POLD1: variants seen among roughly 807,000 people sequenced by gnomAD.
The protein encoded by POLD1 is DNA polymerase delta 1, catalytic subunit, also known as DNA polymerase delta catalytic subunit.
Under a neutral mutation model 129.7 loss-of-function variants are expected in POLD1, and 79 were observed. The ratio of observed to expected loss-of-function variants is 0.61; its 90% CI spans 0.51 to 0.73. The LOEUF (loss-of-function observed/expected upper bound fraction) is 0.73. Among genes scored for constraint, POLD1 ranks in the 30% least tolerant of loss-of-function variants. The probability of loss-of-function intolerance (pLI) is 0.00; values close to 1 mark genes in which losing one functional copy is unlikely to be tolerated. For synonymous variants in POLD1, 714 were observed against 683.3 expected, an observed-to-expected ratio of 1.04 and a Z score of -0.70; for missense variants, 1,338 against 1,595.8, an observed-to-expected ratio of 0.84 and a Z score of 2.75.
intron 26 of POLD1, 149 bp downstream of exon 26, chr19:50,417,418 G>A: frequency 4.8e-6 from 3 of 620,490 alleles, no homozygotes; most frequent in Non-Finnish European, 8.5e-6. Flanking sequence ...GAGCCTCAGT[G>A]TCCTTGTCTG....
chr19:50,393,764 C>T (rs961542456), intron 1 of POLD1, among the ~76,000 whole-genome samples: 5 of 152,136 alleles, frequency 3.3e-5, no homozygotes, highest in African/African-American at 1.2e-4. Context: ...CATTTCATCA[C>T]CCCTACAGAA....
At position 50,408,717 on chromosome 19, in the gene POLD1, C is replaced by G. The variant is rs869312619; in HGVS notation, c.1776-68C>G. On this transcript the variant is annotated intron_variant, in intron 14 of 26. Transcript: ENST00000440232. ...TTTTTTTTTTTAAAGGGTGAGGCCA[C>G]AAGACAGGGCGGGGGCGGCATGGGA... 1.9e-6 allele frequency: 3 copies of G among 1,585,948 alleles called. No homozygotes were observed. The highest frequency in any genetic ancestry group is 2.2e-5 in the East Asian group (1 of 44,624).
chr19:50,414,298 G>C (rs529617778), intron 19 of POLD1, among the ~76,000 whole-genome samples: 3 of 152,376 alleles, frequency 2.0e-5, no homozygotes, highest in East Asian at 3.9e-4. Context: ...TGTCGCCCAG[G>C]CTGGAGTGCA....
chr19:50,397,357 A>AT (rs2038408140), intron 1 of POLD1, among the ~76,000 whole-genome samples: 1 of 149,268 alleles, frequency 6.7e-6, no homozygotes, highest in Non-Finnish European at 1.5e-5. Flanking sequence ...GTGAATCGAG[A>AT]TTGTGCCACT....
At chr19:50,408,556 A>T (rs1161830930) in intron 14 of POLD1, among the ~76,000 whole-genome samples, 2 of 151,586 alleles carry the variant, frequency 1.3e-5, no homozygotes, top group Admixed American at 1.3e-4. Context: ...AATTTTTAAA[A>T]TTTTTTTGTA....
intron 10 of POLD1, among the ~76,000 whole-genome samples, chr19:50,405,671 T>C (rs1601213040): frequency 6.6e-6 from 1 of 152,216 alleles, no homozygotes; most frequent in East Asian, 1.9e-4. Flanking sequence ...ATGGTACTCC[T>C]CCTCCCCTTC....
At chr19:50,415,132 G>A in intron 20 of POLD1, 142 bp downstream of exon 20, 1 of 791,828 alleles carries the variant, frequency 1.3e-6, no homozygotes, top group Non-Finnish European at 1.9e-6. Context: ...AGATCCCGGG[G>A]TCAGGGCCCC....
chr19:50,403,640 G>C lies in POLD1; in HGVS notation c.1242+43G>C, dbSNP rs2038754460. 4 of 1,307,028 alleles carry C rather than the reference G, an allele frequency of 3.1e-6. No individual in the cohort carries two copies. The Admixed American group carries it at 6.7e-5, about 22-fold the overall frequency. The allele number at this position is 1,307,028 out of a possible 1,614,324, so 81.0% of individuals were successfully genotyped here. On this transcript the variant is annotated intron_variant, in intron 10 of 26. Coordinates refer to ENST00000440232, the MANE Select transcript of POLD1 (RefSeq NM_002691.4). The stretch of plus-strand genomic sequence containing the variant: ...GGGAGGCTTCTCTCAGATGCCCCAG[G>C]TGTGGCCTCCGGGCCCTGGGCCTCC...
chr19:50,385,526 C>CTT (rs760846797), intron 1 of POLD1, among the ~76,000 whole-genome samples: 72 of 128,916 alleles, frequency 5.6e-4, no homozygotes, highest in Non-Finnish European at 7.3e-4. Context: ...ACTGTCTTCT[C>CTT]TTTTTTTTTT....
chr19:50,413,894 CAG>C lies in POLD1; in HGVS notation c.2388+16_2388+17del. On this transcript the variant is annotated intron_variant, in intron 19 of 26. Coordinates refer to ENST00000440232, the MANE Select transcript of POLD1 (RefSeq NM_002691.4). ...AGTTTGAGAAGGTGCGTGGCTGGGT[CAG>C]GGGCTCTGCATTTAGGTGCCCTCAT... The C allele has an allele frequency of 1.9e-6, 3 of 1,578,426 alleles. No individual in the cohort carries two copies. Among genetic ancestry groups the C allele is most frequent in the Non-Finnish European group, 2.6e-6 (3 of 1,162,070 alleles).
In POLD1 at chr19:50,398,924, G is replaced by A. The variant is rs1426253750; in HGVS notation, c.73G>A (p.Asp25Asn). The A allele has an allele frequency of 1.9e-6, 3 of 1,597,178 alleles. No homozygotes were observed. Among genetic ancestry groups the A allele is most frequent in the Non-Finnish European group, 2.6e-6 (3 of 1,173,320 alleles). Residue 25 changes from aspartate (D) to asparagine (N), a missense_variant, in exon 2 of 27, where the codon GAT (aspartate) becomes AAT (asparagine). Asp to Asn is a conservative substitution (Grantham distance 23, BLOSUM62 1). Transcript: ENST00000440232. ...GCGGGCCCGTGGGGGCCTCTGGGATGATGATGATGCACCTCGGCCATCCCA... is the reference window on the plus strand; with the variant it reads ...GCGGGCCCGTGGGGGCCTCTGGGATAATGATGATGCACCTCGGCCATCCCA... Reference protein sequence around the residue: ...PKRARGGLWDDDDAPRPSQFE... With the variant: ...PKRARGGLWDNDDAPRPSQFE...
chr19:50,401,673 C>A, intron 3 of POLD1, 105 bp from the exon 4 acceptor site: 1 of 1,247,550 alleles, frequency 8.0e-7, no homozygotes, highest in Non-Finnish European at 1.2e-6. Flanking sequence ...GGTACAGGGG[C>A]AGGAGTGCCC....
chr19:50,411,742 A>C (rs1181899173), intron 17 of POLD1, among the ~76,000 whole-genome samples: 1 of 152,050 alleles, frequency 6.6e-6, no homozygotes, highest in East Asian at 1.9e-4. Context: ...CGGGAGGCTG[A>C]GGCAGGAGAA....
intron 1 of POLD1, among the ~76,000 whole-genome samples, chr19:50,388,127 A>G (rs1371830926): frequency 6.6e-6 from 1 of 152,224 alleles, no homozygotes; most frequent in African/African-American, 2.4e-5. Context: ...AGGCAGATCC[A>G]TGGAGACAGA....
chr19:50,411,980 T>C, intron 17 of POLD1, among the ~76,000 whole-genome samples: 1 of 151,984 alleles, frequency 6.6e-6, no homozygotes, highest in Non-Finnish European at 1.5e-5. Context: ...CTACAAAAAA[T>C]ACAACCAAAC....
chr19:50,405,057 G>A (rs1247985236), intron 10 of POLD1, among the ~76,000 whole-genome samples: 2 of 151,760 alleles, frequency 1.3e-5, no homozygotes, highest in South Asian at 2.1e-4. Flanking sequence ...GAGCCACCGC[G>A]CCTGGCCTAT....
At position 50,406,884 on chromosome 19, in the gene POLD1, C is replaced by T. The variant is rs1439656362; in HGVS notation, c.1495-99C>T. ...CCTCCTGCCCGCCTCACCTCCCAGG[C>T]CCTCCCCAGGCTACCTCACCCTGAC... On this transcript the variant is annotated intron_variant, in intron 12 of 26. Coordinates refer to ENST00000440232, the MANE Select transcript of POLD1 (RefSeq NM_002691.4). This position sits in a 1 kb window ranked among gnomAD's most constrained non-coding sequence, Gnocchi z 5.5. 2.0e-5 allele frequency: 20 copies of T among 1,019,118 alleles called. No individual in the cohort carries two copies. Among genetic ancestry groups the T allele is most frequent in the Non-Finnish European group, 2.9e-5 (20 of 694,624 alleles). 63.1% of individuals were successfully genotyped at this position (1,019,118 alleles called of 1,614,324 possible). A position where few individuals can be genotyped will look rare whatever the true frequency, so the allele number is the denominator to read the frequency against.
intron 1 of POLD1, among the ~76,000 whole-genome samples, chr19:50,386,796 C>G (rs979914792): frequency 2.0e-5 from 3 of 152,208 alleles, no homozygotes; most frequent in African/African-American, 7.2e-5. Flanking sequence ...GACACACACC[C>G]AGGCAGTCCA....
At chr19:50,416,858 TCCACCCCCCACAGAGGGTCC>T in intron 24 of POLD1, 135 bp downstream of exon 24, 1 of 932,174 alleles carries the variant, frequency 1.1e-6, no homozygotes, top group Non-Finnish European at 1.6e-6. Context: ...GGCCCCTGTC[TCCACCCCCCACAGAGGGTCC>T]TCGGCCCCCA....
Sources: gnomAD v4.1 joint callset for allele counts (sites outside exome capture counted in the v4.1 genomes callset) on GRCh38, gnomAD v4.1.1 for gene constraint, Gnocchi (gnomAD v3.1) non-coding constraint, MANE v1.5 for transcripts, NCBI Gene and HGNC (gene_info 2026-07-23, HGNC 2026-07-21) for gene names.